The following SPRED1 variants were observed in gnomAD, a reference collection of about 807,000 sequenced individuals.
The protein encoded by SPRED1 is sprouty related EVH1 domain containing 1.
Under a neutral mutation model 52.3 loss-of-function variants are expected in SPRED1, and 18 were observed. That is an observed-to-expected ratio of 0.34 (90% confidence interval 0.24 to 0.51). The LOEUF (loss-of-function observed/expected upper bound fraction) is 0.51, where lower values mean the gene tolerates loss of function less well. Ranked by LOEUF, SPRED1 falls within the 20% of genes least tolerant of loss-of-function variation. The pLI, the probability that SPRED1 is intolerant of heterozygous loss-of-function variation, is 0.97. For missense variants in SPRED1, 485 were observed against 551.0 expected, an observed-to-expected ratio of 0.88 and a Z score of 1.20; for synonymous variants, 155 against 179.7, an observed-to-expected ratio of 0.86 and a Z score of 1.10.
chr15:38,335,683 C>T (rs1247548308), intron 4 of SPRED1, among the ~76,000 whole-genome samples: 3 of 151,828 alleles, frequency 2.0e-5, no homozygotes, highest in East Asian at 1.9e-4. Context: ...GGCCTATACC[C>T]GTCTGTAGTA....
rs555962039 is a variant in SPRED1 at position 38,318,305 on chromosome 15, G to T, written c.208-3936G>T. Reference sequence around the variant, plus strand: ...TTATAATTAGTATGTTTTTGTACTGGTTGGTATGATATTTAAACTCAGTAT... The same window carrying T: ...TTATAATTAGTATGTTTTTGTACTGTTTGGTATGATATTTAAACTCAGTAT... On this transcript the variant is annotated intron_variant, in intron 2 of 6. Coordinates refer to ENST00000299084, the MANE Select transcript of SPRED1 (RefSeq NM_152594.3). Among the ~76,000 whole-genome samples, 411 of 152,186 alleles carry T rather than the reference G, an allele frequency of 2.7e-3. 1 individual carries two copies. The highest frequency in any genetic ancestry group is 9.6e-3 in the African/African-American group (399 of 41,536).
At chr15:38,319,414 T>C (rs1895555380) in intron 2 of SPRED1, among the ~76,000 whole-genome samples, 2 of 152,194 alleles carry the variant, frequency 1.3e-5, no homozygotes, top group African/African-American at 4.8e-5. Flanking sequence ...AGTTTTACTC[T>C]TGCTGCCTAG....
At chr15:38,279,591 G>A (rs768289153) in intron 1 of SPRED1, among the ~76,000 whole-genome samples, 1 of 152,164 alleles carries the variant, frequency 6.6e-6, no homozygotes, top group Non-Finnish European at 1.5e-5. Flanking sequence ...TCAAGGTCCA[G>A]CTCTTTTACT....
intron 1 of SPRED1, among the ~76,000 whole-genome samples, chr15:38,274,168 C>A (rs1001445784): frequency 1.3e-5 from 2 of 152,144 alleles, no homozygotes. Context: ...AATGGTCAGA[C>A]TACATTTTTA....
chr15:38,316,748 G>GTTTTTTTTTTTTTTTTTTTTTTTTTTTT (rs1555390721), intron 2 of SPRED1, among the ~76,000 whole-genome samples: 1 of 41,906 alleles, frequency 2.4e-5, no homozygotes. Context: ...TCCATTATAT[G>GTTTTTTTTTTTTTTTTTTTTTTTTTTTT]TTTTTTTTTT....
intron 5 of SPRED1, among the ~76,000 whole-genome samples, chr15:38,342,354 C>A (rs892921216): frequency 6.6e-6 from 1 of 151,972 alleles, no homozygotes. Flanking sequence ...AGTATCTTAA[C>A]TCAGTTTACC....
chr15:38,321,761 T>G (rs34831406), intron 2 of SPRED1, among the ~76,000 whole-genome samples: 18,372 of 151,956 alleles, frequency 0.12, 1,915 homozygotes, highest in East Asian at 0.54. Flanking sequence ...ACCCAGCTAA[T>G]TTTTTATATT....
Position 38,316,761 on chromosome 15 carries a change from T to G in SPRED1, c.208-5480T>G, listed in dbSNP as rs538509711. Among the ~76,000 whole-genome samples the G allele has an allele frequency of 4.8e-3, 680 of 142,178 alleles. 6 individuals are homozygous for G. The highest frequency in any genetic ancestry group is 7.5e-3 in the Non-Finnish European group (490 of 65,320). The allele number at this position is 142,178 out of a possible 152,430, so 93.3% of individuals were successfully genotyped here. ...TTTCCATTATATGTTTTTTTTTTTTTTTTTTTTTTTTGGTTAATGTCTTTA... is the reference window on the plus strand; with the variant it reads ...TTTCCATTATATGTTTTTTTTTTTTGTTTTTTTTTTTGGTTAATGTCTTTA... On this transcript the variant is annotated intron_variant, in intron 2 of 6. Transcript: ENST00000299084.
chr15:38,293,143 A>G (rs1363314985), intron 1 of SPRED1, among the ~76,000 whole-genome samples: 1 of 102,270 alleles, frequency 9.8e-6, no homozygotes, highest in East Asian at 3.3e-4. Context: ...CTCTCTCACC[A>G]AGCTGGAGTG....
chr15:38,302,737 T>C (rs1895171899), intron 2 of SPRED1, among the ~76,000 whole-genome samples: 1 of 152,188 alleles, frequency 6.6e-6, no homozygotes, highest in African/African-American at 2.4e-5. Flanking sequence ...TTGGCTTTCA[T>C]GCTTTATGGA....
intron 5 of SPRED1, 104 bp downstream of exon 5, chr15:38,339,999 T>TAAAC (rs897083319): frequency 2.3e-5 from 33 of 1,427,612 alleles, no homozygotes; most frequent in Non-Finnish European, 3.1e-5. Flanking sequence ...CCAGACACAG[T>TAAAC]AAACAAACAA....
chr15:38,279,919 A>T (rs1287726312), intron 1 of SPRED1, among the ~76,000 whole-genome samples: 1 of 152,144 alleles, frequency 6.6e-6, no homozygotes, highest in East Asian at 1.9e-4. Context: ...GAGGGCTTTG[A>T]TTAGCATCTT....
intron 2 of SPRED1, among the ~76,000 whole-genome samples, chr15:38,315,370 A>G: frequency 6.6e-6 from 1 of 151,926 alleles, no homozygotes; most frequent in East Asian, 1.9e-4. Flanking sequence ...TTAAAAGTAT[A>G]TATTTAATTG....
chr15:38,319,498 G>C (rs1261030039), intron 2 of SPRED1, among the ~76,000 whole-genome samples: 2 of 152,116 alleles, frequency 1.3e-5, no homozygotes, highest in Non-Finnish European at 2.9e-5. Flanking sequence ...TCCTGGCTCA[G>C]CCTCTCGAGT....
intron 2 of SPRED1, among the ~76,000 whole-genome samples, chr15:38,312,322 TA>T (rs1208610705): frequency 6.6e-6 from 1 of 152,264 alleles, no homozygotes; most frequent in East Asian, 1.9e-4. Context: ...GAGAATTGCC[TA>T]AGCTTATTTA....
intron 2 of SPRED1, among the ~76,000 whole-genome samples, chr15:38,319,542 G>T (rs1388509825): frequency 1.3e-5 from 2 of 152,052 alleles, no homozygotes; most frequent in Non-Finnish European, 2.9e-5. Context: ...ACCACGCCCG[G>T]CTAATTTTTG....
At position 38,285,798 on chromosome 15, in the gene SPRED1, C is replaced by G. The variant is rs118002785; in HGVS notation, c.33-13575C>G. On this transcript the variant is annotated intron_variant, in intron 1 of 6. Coordinates refer to ENST00000299084, the MANE Select transcript of SPRED1 (RefSeq NM_152594.3). ...CTTAAAGCTCATGTTTTTCAAGTTA[C>G]CTTTTCCCCAGAATAGCCCATCGGT... Among the ~76,000 whole-genome samples, 1,136 of 152,300 alleles carry G rather than the reference C, an allele frequency of 7.5e-3. 3 individuals are homozygous for G. The highest frequency in any genetic ancestry group is 0.012 in the Non-Finnish European group (824 of 68,020).
Position 38,253,194 on chromosome 15 carries a change from G to C in SPRED1, c.9G>C (p.Glu3Asp). 1 of 1,580,956 alleles carries C rather than the reference G, an allele frequency of 6.3e-7. No individual in the cohort carries two copies. The highest frequency in any genetic ancestry group is 8.6e-7 in the Non-Finnish European group (1 of 1,162,400). The change falls in exon 1 of 7, where the codon GAG becomes GAC. Residue 3 changes from glutamate to aspartate, a missense_variant. This residue lies in a region of SPRED1 where 34 missense variants were observed against 25.8 expected (regional missense o/e 1.32). Transcript: ENST00000299084. ...ATCACGGTGAGGGAAAGATGAGCGAGGAGACGGCGACTTCTGACAACGAGT... is the reference window on the plus strand; with the variant it reads ...ATCACGGTGAGGGAAAGATGAGCGACGAGACGGCGACTTCTGACAACGAGT... MSEETATSDNDNS... is the reference protein window; with the variant it reads MSDETATSDNDNS...
At chr15:38,269,870 A>T (rs1469716482) in intron 1 of SPRED1, among the ~76,000 whole-genome samples, 2 of 149,016 alleles carry the variant, frequency 1.3e-5, no homozygotes, top group Non-Finnish European at 3.0e-5. Context: ...TGACTGCTGT[A>T]TTGGATGGCA....
Sources: allele counts gnomAD v4.1 joint callset (sites outside exome capture counted in the v4.1 genomes callset), GRCh38; gene constraint gnomAD v4.1.1; regional missense constraint gnomAD v4.1.1; transcripts MANE v1.5; gene names NCBI Gene and HGNC (gene_info 2026-07-23, HGNC 2026-07-21).